SYT1: variants seen among roughly 807,000 people sequenced by gnomAD.
The protein encoded by SYT1 is synaptotagmin-1.
In SYT1, 8 loss-of-function variants were observed where a neutral mutation model predicts 44.8. That is an observed-to-expected ratio of 0.18 (90% confidence interval 0.10 to 0.32). The LOEUF is 0.32. Ranked by LOEUF, SYT1 falls within the 10% of genes least tolerant of loss-of-function variation. SYT1 has a pLI of 1.00. For missense variants in SYT1, 286 were observed against 509.3 expected (o/e 0.56, Z 4.22); for synonymous variants, 154 against 188.8 (o/e 0.82, Z 1.51).
At chr12:78,954,289 G>C (rs1045385969) in intron 1 of SYT1, among the ~76,000 whole-genome samples, 1 of 152,086 alleles carries the variant, frequency 6.6e-6, no homozygotes, top group African/African-American at 2.4e-5. Flanking sequence ...TAAATCTGCT[G>C]CAAATTACAG....
intron 1 of SYT1, among the ~76,000 whole-genome samples, chr12:78,897,993 T>G (rs10861125): frequency 6.6e-6 from 1 of 151,702 alleles, no homozygotes; most frequent in African/African-American, 2.4e-5. Context: ...ACATCTCAGA[T>G]GAAAAACCTC....
chr12:79,381,694 T>G (rs1884229658), intron 9 of SYT1, among the ~76,000 whole-genome samples: 1 of 152,070 alleles, frequency 6.6e-6, no homozygotes, highest in Admixed American at 6.6e-5. Flanking sequence ...GCTGTGTGAG[T>G]GTTAGGGAGC....
intron 1 of SYT1, among the ~76,000 whole-genome samples, chr12:78,929,405 GTC>G (rs1877493071): frequency 4.1e-4 from 4 of 9,772 alleles, no homozygotes; most frequent in African/African-American, 2.0e-3. Flanking sequence ...GAGAGACTCC[GTC>G]CCAAAAAAAA....
intron 2 of SYT1, among the ~76,000 whole-genome samples, chr12:79,018,211 G>A (rs1011180897): frequency 1.3e-5 from 2 of 151,752 alleles, no homozygotes; most frequent in Non-Finnish European, 1.5e-5. Context: ...GGATGAAGCT[G>A]GAAACCATCA....
At chr12:79,273,728 T>C (rs1324917443) in intron 4 of SYT1, among the ~76,000 whole-genome samples, 3 of 152,194 alleles carry the variant, frequency 2.0e-5, no homozygotes, top group Non-Finnish European at 2.9e-5. Context: ...TTCCTGATCC[T>C]AACTCGTAAA....
intron 2 of SYT1, among the ~76,000 whole-genome samples, chr12:79,038,844 A>G (rs1403887462): frequency 6.6e-6 from 1 of 151,968 alleles, no homozygotes; most frequent in Non-Finnish European, 1.5e-5. Context: ...GCTCAGCACT[A>G]TGCTACCGAA....
chr12:78,995,511 T>C (rs552640971), intron 2 of SYT1, among the ~76,000 whole-genome samples: 1 of 152,334 alleles, frequency 6.6e-6, no homozygotes, highest in Middle Eastern at 3.4e-3. Context: ...TTTGTAAAGA[T>C]GTAATCACCT....
At chr12:79,402,669 A>G (rs1280053858) in intron 9 of SYT1, among the ~76,000 whole-genome samples, 2 of 152,198 alleles carry the variant, frequency 1.3e-5, no homozygotes, top group African/African-American at 4.8e-5. Context: ...AGCCGTTTTG[A>G]TGTAGAGATC....
intron 9 of SYT1, among the ~76,000 whole-genome samples, chr12:79,439,111 A>AAGT (rs1326736403): frequency 6.6e-6 from 1 of 152,222 alleles, no homozygotes; most frequent in Non-Finnish European, 1.5e-5. Flanking sequence ...AGAATAAGGA[A>AAGT]AGTAGATACT....
intron 9 of SYT1, among the ~76,000 whole-genome samples, chr12:79,419,929 C>T (rs1432237842): frequency 6.6e-6 from 1 of 152,098 alleles, no homozygotes; most frequent in East Asian, 1.9e-4. Context: ...CATTTTCAAG[C>T]TTTATATAAA....
At chr12:79,140,376 ACT>A (rs1180188504) in intron 3 of SYT1, among the ~76,000 whole-genome samples, 1 of 149,184 alleles carries the variant, frequency 6.7e-6, no homozygotes, top group Non-Finnish European at 1.5e-5. Context: ...TCTATAAAAA[ACT>A]CTTTTCTAAC....
chr12:79,127,146 G>A (rs1303671091), intron 3 of SYT1, among the ~76,000 whole-genome samples: 3 of 152,200 alleles, frequency 2.0e-5, no homozygotes, highest in African/African-American at 7.2e-5. Context: ...CAGACAAGTG[G>A]CATTTGTTAC....
chr12:78,865,888 T>C (rs1434152536), intron 1 of SYT1, among the ~76,000 whole-genome samples: 1 of 151,060 alleles, frequency 6.6e-6, no homozygotes, highest in Non-Finnish European at 1.5e-5. Flanking sequence ...TCAGTGTTAA[T>C]ATCTGAACTT....
chr12:79,433,527 C>T (rs894847670), intron 9 of SYT1, among the ~76,000 whole-genome samples: 16 of 151,958 alleles, frequency 1.1e-4, no homozygotes, highest in East Asian at 1.9e-4. Flanking sequence ...TTTCATCTGA[C>T]GTAAATAAGA....
At chr12:79,283,631 G>A (rs1325933436) in intron 4 of SYT1, among the ~76,000 whole-genome samples, 1 of 152,074 alleles carries the variant, frequency 6.6e-6, no homozygotes, top group African/African-American at 2.4e-5. Flanking sequence ...ACACTCTCTT[G>A]TTCATGCATG....
At chr12:79,045,547 G>C (rs937465695) in intron 2 of SYT1, 2 of 155,854 alleles carry the variant, frequency 1.3e-5, no homozygotes, top group African/African-American at 4.8e-5. Flanking sequence ...GATGAACCCG[G>C]TACCTCAGAT....
At chr12:79,306,312 G>T (rs1159514915) in intron 8 of SYT1, among the ~76,000 whole-genome samples, 1 of 152,146 alleles carries the variant, frequency 6.6e-6, no homozygotes, top group Non-Finnish European at 1.5e-5. Context: ...AAATATTTTT[G>T]AATTCCAGTC....
intron 5 of SYT1, 89 bp downstream of exon 5, chr12:79,286,060 C>T: frequency 1.4e-6 from 2 of 1,404,368 alleles, no homozygotes; most frequent in Non-Finnish European, 1.9e-6. Flanking sequence ...CAGAAATAAA[C>T]AACTTCTGGA....
At chr12:78,873,389 T>G (rs1202148052) in intron 1 of SYT1, among the ~76,000 whole-genome samples, 1 of 151,732 alleles carries the variant, frequency 6.6e-6, no homozygotes, top group East Asian at 1.9e-4. Flanking sequence ...GATATACCAT[T>G]ATTTCTTCTG....
Sources: allele counts gnomAD v4.1 joint callset (sites outside exome capture counted in the v4.1 genomes callset), GRCh38; gene constraint gnomAD v4.1.1; transcripts MANE v1.5; gene names NCBI Gene and HGNC (gene_info 2026-07-23, HGNC 2026-07-21).